Variants in TUSC3 observed in about 807,000 individuals in gnomAD.
The protein encoded by TUSC3 is tumor suppressor candidate 3.
In TUSC3, 45 loss-of-function variants were observed where a neutral mutation model predicts 44.8. The ratio of observed to expected loss-of-function variants is 1.00; its 90% CI spans 0.79 to 1.29. TUSC3 has a LOEUF of 1.29. TUSC3 is among the 50% of genes most tolerant of loss of function. TUSC3 has a pLI of 0.00. For missense variants in TUSC3, 519 were observed against 437.9 expected, an observed-to-expected ratio of 1.19 and a Z score of -1.65; for synonymous variants, 212 against 152.9, an observed-to-expected ratio of 1.39 and a Z score of -2.85.
intron 1 of TUSC3, among the ~76,000 whole-genome samples, chr8:15,449,587 A>G (rs1366759420): frequency 1.3e-5 from 2 of 152,144 alleles, no homozygotes; most frequent in Admixed American, 6.6e-5. Context: ...CCCTTAGGGG[A>G]AAAAGCCTAA....
At chr8:15,749,333 G>T (rs894798181) in intron 9 of TUSC3, among the ~76,000 whole-genome samples, 2 of 152,076 alleles carry the variant, frequency 1.3e-5, no homozygotes, top group African/African-American at 4.8e-5. Context: ...TTTCCACACA[G>T]ATCATAGCAG....
At position 15,573,471 on chromosome 8, in the gene TUSC3, C is replaced by T. The variant is rs189985985; in HGVS notation, c.138+32903C>T. ...ATTGTGCTGCTGAAGATAGAAGGAGCCCAGTGGGTTTATATTTCAGAGCAC... is the reference window on the plus strand; with the variant it reads ...ATTGTGCTGCTGAAGATAGAAGGAGTCCAGTGGGTTTATATTTCAGAGCAC... On this transcript the variant is annotated intron_variant, in intron 1 of 10. Transcript: ENST00000503731. Among the ~76,000 whole-genome samples, 458 of 151,888 alleles carry T rather than the reference C, an allele frequency of 3.0e-3. 2 individuals carry two copies. The highest frequency in any genetic ancestry group is 0.011 in the African/African-American group (447 of 41,442).
At chr8:15,475,432 A>G (rs890010930) in intron 1 of TUSC3, among the ~76,000 whole-genome samples, 2 of 152,154 alleles carry the variant, frequency 1.3e-5, no homozygotes, top group African/African-American at 4.8e-5. Context: ...CCAGCTAATT[A>G]TTACCAGTAT....
Position 15,734,750 on chromosome 8 carries a change from T to C in TUSC3, c.862+4021T>C, listed in dbSNP as rs78358119. On this transcript the variant is annotated intron_variant, in intron 7 of 10. Coordinates refer to ENST00000503731, the MANE Select transcript of TUSC3 (RefSeq NM_006765.4). Reference sequence around the variant, plus strand: ...GACTTTTCAGCTGGATATTGAAGTATAAAAAGTTTCAGAGACAGAGAAATG... The same window carrying C: ...GACTTTTCAGCTGGATATTGAAGTACAAAAAGTTTCAGAGACAGAGAAATG... Among the ~76,000 whole-genome samples, 3 of 152,274 alleles carry C rather than the reference T, an allele frequency of 2.0e-5. No homozygotes were observed. In the East Asian group the frequency reaches 5.8e-4, roughly 29 times the overall value.
At chr8:15,831,522 T>C in the TUSC3 span, among the ~76,000 whole-genome samples, 4,256 of 148,616 alleles carry the variant, frequency 0.029, 205 homozygotes, top group African/African-American at 0.099. Flanking sequence ...CAGGAGTACA[T>C]TGAAACTCAA....
chr8:15,418,114 A>C (rs1278573041), intron 1 of TUSC3, among the ~76,000 whole-genome samples: 1 of 152,242 alleles, frequency 6.6e-6, no homozygotes, highest in Non-Finnish European at 1.5e-5. Flanking sequence ...ACCAAGAATT[A>C]GTAACAAGCA....
intron 1 of TUSC3, among the ~76,000 whole-genome samples, chr8:15,442,918 C>G (rs1344092973): frequency 2.0e-5 from 3 of 152,120 alleles, no homozygotes; most frequent in African/African-American, 4.8e-5. Context: ...TCCCCCGACT[C>G]TTATTATCTA....
At position 15,495,829 on chromosome 8, in the gene TUSC3, T is replaced by C. The variant is rs368812692; in HGVS notation, n.189+12346T>C. 5.8e-4 allele frequency among the ~76,000 whole-genome samples: 89 copies of C among 152,284 alleles called. 1 individual carries two copies. The South Asian group carries it at 0.017, about 29-fold the overall frequency. ...GAAATTGCACTCAGACTTATAACCA[T>C]CCACTTTTAGTTTCTTTTGATAGTA... On this transcript the variant is annotated intron_variant and non_coding_transcript_variant, in intron 2 of 5. Transcript: ENST00000503191.
chr8:15,828,310 A>G, the TUSC3 span, among the ~76,000 whole-genome samples: 17 of 152,124 alleles, frequency 1.1e-4, no homozygotes, highest in Admixed American at 1.0e-3. Flanking sequence ...AATTTTTTTA[A>G]TCTACAGTTT....
At chr8:15,521,619 C>CG (rs1425234885) in intron 2 of TUSC3, among the ~76,000 whole-genome samples, 1 of 151,834 alleles carries the variant, frequency 6.6e-6, no homozygotes, top group African/African-American at 2.4e-5. Context: ...ATTACCCCCC[C>CG]CAAAAAAAGG....
chr8:15,426,944 A>G (rs549686163), intron 1 of TUSC3, among the ~76,000 whole-genome samples: 3 of 152,152 alleles, frequency 2.0e-5, no homozygotes, highest in Non-Finnish European at 2.9e-5. Flanking sequence ...TGTAGCTTTC[A>G]TTTGCATTTC....
rs767770752 is a variant in TUSC3, at chr8:15,619,596, A to G, written c.139-3484A>G. Among the ~76,000 whole-genome samples, 5 of 151,948 alleles carry G rather than the reference A, an allele frequency of 3.3e-5. No individual in the cohort carries two copies. The East Asian group carries it at 9.7e-4, about 30-fold the overall frequency. Reference sequence around the variant, plus strand: ...AAGCTCCACTTCCTGGGTTCACGCCATTCTCCTGCCTCAGCCTCTGGAGTA... The same window carrying G: ...AAGCTCCACTTCCTGGGTTCACGCCGTTCTCCTGCCTCAGCCTCTGGAGTA... On this transcript the variant is annotated intron_variant, in intron 1 of 10. Coordinates refer to ENST00000503731, the MANE Select transcript of TUSC3 (RefSeq NM_006765.4).
At chr8:15,520,632 C>G (rs1801284428) in intron 2 of TUSC3, among the ~76,000 whole-genome samples, 1 of 152,164 alleles carries the variant, frequency 6.6e-6, no homozygotes, top group Non-Finnish European at 1.5e-5. Context: ...AATACAGAAA[C>G]ATATAAATGA....
intron 1 of TUSC3, among the ~76,000 whole-genome samples, chr8:15,580,937 C>T (rs1210945639): frequency 8.2e-6 from 1 of 121,226 alleles, no homozygotes; most frequent in African/African-American, 3.5e-5. Context: ...CCATTCTCCC[C>T]ATCACTTTCA....
At chr8:15,448,275 C>A (rs1399675001) in intron 1 of TUSC3, among the ~76,000 whole-genome samples, 1 of 151,646 alleles carries the variant, frequency 6.6e-6, no homozygotes, top group Non-Finnish European at 1.5e-5. Flanking sequence ...TGTGCAACCA[C>A]ACCCTGCTAT....
intron 2 of TUSC3, among the ~76,000 whole-genome samples, chr8:15,493,641 G>T (rs1800839958): frequency 1.3e-5 from 2 of 152,140 alleles, no homozygotes; most frequent in South Asian, 4.1e-4. Context: ...GAGGTGCAAT[G>T]AAATTAACAA....
the TUSC3 span, among the ~76,000 whole-genome samples, chr8:15,815,648 G>A: frequency 6.6e-5 from 10 of 152,222 alleles, 1 homozygote; most frequent in Middle Eastern, 3.4e-3. Flanking sequence ...CAGGGCAAAC[G>A]TTAGACAGAG....
rs935545878 is a variant in TUSC3 at position 15,488,555 on chromosome 8, C to T, written n.189+5072C>T. ...GTAATAAAATAGACAATGTTGTGTCCCCACCAAATTTATAAGCCCTAATCA... is the reference window on the plus strand; with the variant it reads ...GTAATAAAATAGACAATGTTGTGTCTCCACCAAATTTATAAGCCCTAATCA... On this transcript the variant is annotated intron_variant and non_coding_transcript_variant, in intron 2 of 5. Coordinates refer to the TUSC3 transcript ENST00000503191. Among the ~76,000 whole-genome samples, 4 of 151,910 alleles carry T rather than the reference C, an allele frequency of 2.6e-5. 1 individual carries two copies. The highest frequency in any genetic ancestry group is 1.9e-4 in the East Asian group (1 of 5,174).
chr8:15,800,033 G>A, the TUSC3 span, among the ~76,000 whole-genome samples: 1 of 152,124 alleles, frequency 6.6e-6, no homozygotes, highest in African/African-American at 2.4e-5. Flanking sequence ...TTTATAACGG[G>A]CAGCAAGCAT....
Sources: allele counts gnomAD v4.1 joint callset (sites outside exome capture counted in the v4.1 genomes callset), GRCh38; gene constraint gnomAD v4.1.1; transcripts MANE v1.5; gene names NCBI Gene and HGNC (gene_info 2026-07-23, HGNC 2026-07-21).